Variants in NOX3 observed in about 807,000 individuals in gnomAD.
The protein encoded by NOX3 is NADPH oxidase catalytic subunit-like 3.
A neutral mutation model predicts 76.7 loss-of-function variants in NOX3; 74 were observed. The observed-to-expected ratio is 0.96, with a 90% CI of 0.80 to 1.17. The LOEUF is 1.17. Among genes scored for constraint, NOX3 ranks in the 50% most tolerant of loss-of-function variants. NOX3 has a pLI of 0.00. For synonymous variants in NOX3, 263 were observed against 261.1 expected (o/e 1.01, Z -0.07); for missense variants, 695 against 703.3 (o/e 0.99, Z 0.13).
At chr6:155,413,914 C>T (rs985010296) in intron 10 of NOX3, among the ~76,000 whole-genome samples, 1 of 152,220 alleles carries the variant, frequency 6.6e-6, no homozygotes, top group Non-Finnish European at 1.5e-5. Context: ...TAGTCCCAGT[C>T]GTCCTTTCTT....
At chr6:155,421,872 T>G (rs535870626) in intron 10 of NOX3, among the ~76,000 whole-genome samples, 1 of 152,322 alleles carries the variant, frequency 6.6e-6, no homozygotes, top group South Asian at 2.1e-4. Context: ...TAAGTTCCTT[T>G]GACTACGGAA....
At chr6:155,412,298 C>T (rs1051840457) in intron 10 of NOX3, among the ~76,000 whole-genome samples, 6 of 152,138 alleles carry the variant, frequency 3.9e-5, no homozygotes, top group Non-Finnish European at 5.9e-5. Context: ...CTCTCCCTCT[C>T]TGCCGGCCAG....
chr6:155,402,802 G>A (rs539458311), intron 12 of NOX3, among the ~76,000 whole-genome samples: 2 of 152,238 alleles, frequency 1.3e-5, no homozygotes, highest in Non-Finnish European at 2.9e-5. Flanking sequence ...GAGAATCCTC[G>A]GCTTCGTGCT....
At chr6:155,436,748 C>T (rs1283706915) in intron 6 of NOX3, among the ~76,000 whole-genome samples, 3 of 152,114 alleles carry the variant, frequency 2.0e-5, no homozygotes, top group African/African-American at 7.2e-5. Flanking sequence ...CTTTGAAGAT[C>T]CCAGAAAAGA....
intron 1 of NOX3, 52 bp downstream of exon 1, chr6:155,455,701 A>C (rs529735725): frequency 2.8e-6 from 4 of 1,440,976 alleles, no homozygotes; most frequent in Non-Finnish European, 3.9e-6. Context: ...CCTAAAAATC[A>C]AAGACTATTC....
intron 8 of NOX3, among the ~76,000 whole-genome samples, chr6:155,430,316 A>G (rs1015312088): frequency 1.3e-5 from 2 of 152,082 alleles, no homozygotes; most frequent in African/African-American, 2.4e-5. Context: ...TACCAGGAGC[A>G]TGCTGCTCAT....
intron 11 of NOX3, among the ~76,000 whole-genome samples, chr6:155,410,122 A>C (rs766149840): frequency 7.9e-5 from 12 of 152,240 alleles, no homozygotes; most frequent in Admixed American, 2.6e-4. Flanking sequence ...TAATTCATTA[A>C]GATGTTTCAA....
intron 12 of NOX3, among the ~76,000 whole-genome samples, chr6:155,404,076 T>C (rs1158077807): frequency 6.6e-6 from 1 of 151,464 alleles, no homozygotes; most frequent in Non-Finnish European, 1.5e-5. Flanking sequence ...TATTCCATGA[T>C]GACTGAAAAC....
At chr6:155,436,598 T>G in intron 6 of NOX3, 51 bp from the exon 7 acceptor site, 4 of 1,607,122 alleles carry the variant, frequency 2.5e-6, no homozygotes, top group Non-Finnish European at 3.4e-6. Flanking sequence ...AACGTCAAAC[T>G]GATTTTGAGC....
At chr6:155,422,998 T>G in intron 9 of NOX3, 142 bp from the exon 10 acceptor site, 1 of 773,642 alleles carries the variant, frequency 1.3e-6, no homozygotes, top group Non-Finnish European at 2.1e-6. Context: ...AATGCCCTAT[T>G]TGGAGAGCCT....
chr6:155,439,569 A>C lies in NOX3; in HGVS notation c.668+387T>G, dbSNP rs370627064. Among the ~76,000 whole-genome samples the C allele has an allele frequency of 2.0e-4, 31 of 152,234 alleles. No individual in the cohort carries two copies. The East Asian group carries it at 3.9e-3, about 19-fold the overall frequency. ...TCCCTGCCCGAACAGTGGGTTTCCT[A>C]GTTGACGGTTTTGGTTAAGCAGAAG... On this transcript the variant is annotated intron_variant, in intron 6 of 13. Transcript: ENST00000159060.
In NOX3 at chr6:155,453,662, C is replaced by T. The variant is rs543335556; in HGVS notation, c.256-174G>A. On this transcript the variant is annotated intron_variant, in intron 3 of 13. Transcript: ENST00000159060. ...AGGCAAATCAAAAGGTTATTAGTTG[C>T]TTTGCTGAACTCTCAACTCAAAAAT... Among the ~76,000 whole-genome samples, 20 of 152,210 alleles carry T rather than the reference C, an allele frequency of 1.3e-4. No individual in the cohort carries two copies. In the South Asian group the frequency reaches 3.5e-3, roughly 27 times the overall value.
At chr6:155,443,202 C>A in intron 5 of NOX3, 71 bp downstream of exon 5, 2 of 1,406,672 alleles carry the variant, frequency 1.4e-6, no homozygotes, top group South Asian at 1.5e-5. Context: ...TTCAATATAG[C>A]GTTCCTGATT....
intron 4 of NOX3, among the ~76,000 whole-genome samples, chr6:155,452,278 C>T (rs565349552): frequency 6.6e-6 from 1 of 152,152 alleles, no homozygotes. Context: ...TTCCCTGAGT[C>T]TTTATTCCTT....
chr6:155,445,423 T>A (rs1777047754), intron 4 of NOX3, among the ~76,000 whole-genome samples: 1 of 152,184 alleles, frequency 6.6e-6, no homozygotes, highest in Non-Finnish European at 1.5e-5. Flanking sequence ...TCTGAGAATA[T>A]TCGTGTCATT....
intron 9 of NOX3, among the ~76,000 whole-genome samples, chr6:155,427,005 G>GTGTA (rs1376318168): frequency 4.9e-5 from 7 of 143,104 alleles, no homozygotes; most frequent in Admixed American, 2.1e-4. Flanking sequence ...GTGTGTGTGT[G>GTGTA]TGTGTGTGTG....
chr6:155,439,916 A>G, intron 6 of NOX3, 40 bp downstream of exon 6: 2 of 1,560,878 alleles, frequency 1.3e-6, no homozygotes, highest in South Asian at 2.4e-5. Context: ...TGGGACTCTC[A>G]GAGATAAAAT....
At chr6:155,427,325 C>T (rs571244139) in intron 9 of NOX3, among the ~76,000 whole-genome samples, 35 of 152,128 alleles carry the variant, frequency 2.3e-4, no homozygotes, top group African/African-American at 7.2e-4. Context: ...CAGTAGCCTA[C>T]GAAAACAGGG....
rs151315428 is a variant in NOX3 at position 155,435,194 on chromosome 6, G to C, written c.798+1224C>G. Among the ~76,000 whole-genome samples, 785 of 152,276 alleles carry C rather than the reference G, an allele frequency of 5.2e-3. 3 individuals are homozygous for C. Among genetic ancestry groups the C allele is most frequent in the Non-Finnish European group, 8.0e-3 (545 of 68,014 alleles). On this transcript the variant is annotated intron_variant, in intron 7 of 13. Transcript: ENST00000159060. ...AAGTGGAGCAGGGGAGAGTTAGAGA[G>C]AGATGAGCAAGGCCCCCTCTTAATG...
Sources: gnomAD v4.1 joint callset for allele counts (sites outside exome capture counted in the v4.1 genomes callset) on GRCh38, gnomAD v4.1.1 for gene constraint, MANE v1.5 for transcripts, NCBI Gene and HGNC (gene_info 2026-07-23, HGNC 2026-07-21) for gene names.